MRTFB: variants seen among roughly 807,000 people sequenced by gnomAD.
The protein encoded by MRTFB is myocardin-related transcription factor B.
A neutral mutation model predicts 104.2 loss-of-function variants in MRTFB; 29 were observed. The observed-to-expected ratio is 0.28, with a 90% CI of 0.21 to 0.38. The LOEUF (loss-of-function observed/expected upper bound fraction) is 0.38, where lower values mean the gene tolerates loss of function less well. Among genes scored for constraint, MRTFB ranks in the 10% least tolerant of loss-of-function variants. The pLI is 1.00. For synonymous variants in MRTFB, 535 were observed against 519.5 expected, an observed-to-expected ratio of 1.03 and a Z score of -0.41; for missense variants, 1,270 against 1,341.6, an observed-to-expected ratio of 0.95 and a Z score of 0.83.
In MRTFB at chr16:14,160,131, G is replaced by A. The variant is rs111303648; in HGVS notation, c.154+19371G>A. 1.1e-4 allele frequency among the ~76,000 whole-genome samples: 16 copies of A among 152,058 alleles called. No individual in the cohort carries two copies. In the Middle Eastern group the frequency reaches 0.014, roughly 129 times the overall value. ...TATATCCCCACTTTCCCCAAAAATG[G>A]CCTTTATTGCTTTTTTAAAAAATCA... On this transcript the variant is annotated intron_variant, in intron 3 of 16. Coordinates refer to ENST00000571589, the MANE Select transcript of MRTFB (RefSeq NM_001308142.2).
intron 3 of MRTFB, among the ~76,000 whole-genome samples, chr16:14,190,872 G>A (rs1383531431): frequency 6.6e-6 from 1 of 152,156 alleles, no homozygotes; most frequent in Non-Finnish European, 1.5e-5. Context: ...GACTTGGGGG[G>A]CCACATTTCC....
chr16:14,072,941 T>G (rs2033809956), intron 1 of MRTFB, among the ~76,000 whole-genome samples: 1 of 152,216 alleles, frequency 6.6e-6, no homozygotes, highest in Non-Finnish European at 1.5e-5. Flanking sequence ...TTACCATTGG[T>G]AATAATTAAT....
chr16:14,249,571 G>GCCAAACA (rs1269167350), intron 13 of MRTFB, among the ~76,000 whole-genome samples: 1 of 152,126 alleles, frequency 6.6e-6, no homozygotes, highest in Non-Finnish European at 1.5e-5. Context: ...GTTCACCATT[G>GCCAAACA]CCTAGGTGTT....
chr16:14,221,778 CTTTTTTTT>C (rs34467645), intron 8 of MRTFB, among the ~76,000 whole-genome samples: 4 of 70,826 alleles, frequency 5.6e-5, no homozygotes, highest in Admixed American at 1.7e-4. Flanking sequence ...TATTTCTTTC[CTTTTTTTT>C]TTTTTTTTTT....
the MRTFB span, among the ~76,000 whole-genome samples, chr16:14,038,700 C>G: frequency 6.6e-6 from 1 of 152,122 alleles, no homozygotes; most frequent in African/African-American, 2.4e-5. Flanking sequence ...GTTATTATAC[C>G]CCAGTTTATA....
chr16:14,051,074 AGACACACACAAACACACCTG>A, the MRTFB span, among the ~76,000 whole-genome samples: 9 of 152,158 alleles, frequency 5.9e-5, no homozygotes, highest in Admixed American at 2.0e-4. Context: ...ACAAAGACAA[AGACACACACAAACACACCTG>A]GACACACACA....
chr16:14,196,447 G>A (rs1304847749), intron 3 of MRTFB, among the ~76,000 whole-genome samples: 1 of 152,144 alleles, frequency 6.6e-6, no homozygotes, highest in Non-Finnish European at 1.5e-5. Flanking sequence ...TTAGAATTCC[G>A]AGGTCTATAC....
intron 2 of MRTFB, among the ~76,000 whole-genome samples, chr16:14,137,591 AT>A (rs2037786433): frequency 6.6e-6 from 1 of 152,150 alleles, no homozygotes; most frequent in African/African-American, 2.4e-5. Context: ...TGAAATGAAA[AT>A]TCAGAGTTTT....
At chr16:14,099,382 G>T (rs1447530709) in intron 2 of MRTFB, among the ~76,000 whole-genome samples, 19 of 137,140 alleles carry the variant, frequency 1.4e-4, no homozygotes, top group Non-Finnish European at 2.6e-4. Flanking sequence ...TTTTTGGTGG[G>T]TTTTTTTTTT....
intron 3 of MRTFB, chr16:14,195,416 A>G (rs1207282301): frequency 6.4e-6 from 4 of 620,776 alleles, no homozygotes; most frequent in East Asian, 2.8e-4. Flanking sequence ...CACATTGCAC[A>G]TGTGTGTGTA....
chr16:14,144,258 C>T (rs764945782), intron 3 of MRTFB: 1 of 152,090 alleles, frequency 6.6e-6, no homozygotes, highest in Non-Finnish European at 1.5e-5. Context: ...TGAGATTGTT[C>T]CCTCTTTTCT....
At chr16:13,996,628 G>C in the MRTFB span, among the ~76,000 whole-genome samples, 1 of 152,218 alleles carries the variant, frequency 6.6e-6, no homozygotes, top group Admixed American at 6.5e-5. Context: ...CAATGGGGAA[G>C]ATGGATATTA....
intron 3 of MRTFB, among the ~76,000 whole-genome samples, chr16:14,163,805 C>G (rs1192096746): frequency 6.7e-6 from 1 of 150,304 alleles, no homozygotes; most frequent in African/African-American, 2.5e-5. Context: ...TGCACTCCAG[C>G]CTGGGCAACA....
intron 3 of MRTFB, chr16:14,200,092 G>A (rs1414584441): frequency 3.6e-6 from 2 of 557,218 alleles, no homozygotes; most frequent in Non-Finnish European, 6.2e-6. Flanking sequence ...AAGGCAAAGT[G>A]ACCTTATCAA....
intron 3 of MRTFB, chr16:14,152,722 T>A (rs960325807): frequency 2.6e-5 from 4 of 152,184 alleles, no homozygotes; most frequent in Admixed American, 2.0e-4. Flanking sequence ...GTGAGTGGCA[T>A]GTATGAAATT....
At chr16:14,012,718 C>T in the MRTFB span, among the ~76,000 whole-genome samples, 5 of 152,036 alleles carry the variant, frequency 3.3e-5, no homozygotes, top group South Asian at 4.1e-4. Context: ...AATGTATGAA[C>T]GTTTAACATG....
intron 3 of MRTFB, chr16:14,200,308 G>T (rs900461779): frequency 1.4e-5 from 22 of 1,605,240 alleles, no homozygotes; most frequent in Non-Finnish European, 1.9e-5. Context: ...GGACCCGTAC[G>T]CTGCTGCGCT....
chr16:14,210,219 A>G (rs1203250957), intron 3 of MRTFB, 24 bp from the exon 4 acceptor site: 3 of 1,599,880 alleles, frequency 1.9e-6, no homozygotes, highest in South Asian at 1.1e-5. Flanking sequence ...ATAAACTCCA[A>G]TGGTGATTAT....
At chr16:14,060,863 T>C in the MRTFB span, among the ~76,000 whole-genome samples, 9 of 151,946 alleles carry the variant, frequency 5.9e-5, no homozygotes, top group African/African-American at 2.2e-4. Flanking sequence ...CAACCAAAGT[T>C]TGGCCGGGCG....
Sources: gnomAD v4.1 joint callset for allele counts (sites outside exome capture counted in the v4.1 genomes callset) on GRCh38, gnomAD v4.1.1 for gene constraint, MANE v1.5 for transcripts, NCBI Gene and HGNC (gene_info 2026-07-23, HGNC 2026-07-21) for gene names.